Variants in DIP2A observed in about 807,000 individuals in gnomAD.
DIP2A encodes DIP2 acetate--CoA ligase A, also known as disco-interacting protein 2 homolog A.
In DIP2A, 85 loss-of-function variants were observed where a neutral mutation model predicts 177.4. The observed-to-expected ratio is 0.48, with a 90% CI of 0.40 to 0.57. DIP2A has a LOEUF of 0.57. DIP2A is among the 20% of genes least tolerant of loss of function. DIP2A has a pLI of 0.00. For synonymous variants in DIP2A, 886 were observed against 881.8 expected (o/e 1.00, Z -0.08); for missense variants, 1,791 against 2,100.2 (o/e 0.85, Z 2.88).
intron 8 of DIP2A, among the ~76,000 whole-genome samples, chr21:46,516,953 T>TTATTAATTATTGTAAA (rs2058609488): frequency 1.3e-5 from 2 of 152,226 alleles, no homozygotes; most frequent in South Asian, 4.1e-4. Context: ...TTCTGCTGCC[T>TTATTAATTATTGTAAA]TGAATACACA....
At chr21:46,476,685 A>C (rs1191044940) in intron 1 of DIP2A, among the ~76,000 whole-genome samples, 1 of 140,294 alleles carries the variant, frequency 7.1e-6, no homozygotes, top group African/African-American at 2.7e-5. Context: ...ACAGAGTCTC[A>C]CTCTATTGCC....
At chr21:46,497,776 A>G (rs924147161) in intron 4 of DIP2A, among the ~76,000 whole-genome samples, 1 of 152,224 alleles carries the variant, frequency 6.6e-6, no homozygotes, top group African/African-American at 2.4e-5. Flanking sequence ...AATAAAACCA[A>G]ACACACCAGA....
rs1256545525 is a variant in DIP2A, at chr21:46,569,789, T to C, written c.*2167T>C. The C allele has an allele frequency of 2.0e-5, 3 of 152,200 alleles. No homozygotes were observed. The highest frequency in any genetic ancestry group is 4.8e-5 in the African/African-American group (2 of 41,438). 9.4% of individuals were successfully genotyped at this position (152,200 alleles called of 1,614,324 possible). ...TCTTATTTTGCTTTTTTTCTGACTA[T>C]AAAAGCAGTTATGCTTATAGCATAA... is the stretch of plus-strand genomic sequence containing the variant. On this transcript the variant is annotated 3_prime_UTR_variant, in exon 38 of 38. Transcript: ENST00000417564.
the DIP2A span, among the ~76,000 whole-genome samples, chr21:46,580,260 A>G: frequency 1.3e-5 from 2 of 151,984 alleles, no homozygotes; most frequent in African/African-American, 4.8e-5. Context: ...AGAAACTAGT[A>G]TTGCAACCCT....
rs560298446 is a variant in DIP2A, at chr21:46,511,758, TACCCATC to T, written c.1102+145_1102+151del. 1.8e-4 allele frequency: 155 copies of T among 874,560 alleles called. 2 individuals are homozygous for T. The South Asian group carries it at 2.8e-3, about 16-fold the overall frequency. The allele number at this position is 874,560 out of a possible 1,614,324, so 54.2% of individuals were successfully genotyped here. A position where few individuals can be genotyped will look rare whatever the true frequency, so the allele number is the denominator to read the frequency against. On this transcript the variant is annotated intron_variant, in intron 8 of 37. Coordinates refer to ENST00000417564, the MANE Select transcript of DIP2A (RefSeq NM_015151.4). ...AAATAGAACATTGACCTATACCAGG[TACCCATC>T]CCACCGGAGGGGACCACTCACTGAT...
intron 9 of DIP2A, among the ~76,000 whole-genome samples, chr21:46,530,785 G>A (rs1412566649): frequency 2.0e-5 from 3 of 152,274 alleles, no homozygotes; most frequent in Admixed American, 6.5e-5. Flanking sequence ...CATAATACGA[G>A]GGGTACAGAA....
At chr21:46,562,948 G>T (rs1014750752) in intron 34 of DIP2A, among the ~76,000 whole-genome samples, 1 of 152,192 alleles carries the variant, frequency 6.6e-6, no homozygotes, top group Non-Finnish European at 1.5e-5. Context: ...CCTCCACGTC[G>T]CTCTTTTCCC....
intron 8 of DIP2A, among the ~76,000 whole-genome samples, chr21:46,515,549 T>C (rs1256622140): frequency 6.6e-6 from 1 of 152,166 alleles, no homozygotes; most frequent in African/African-American, 2.4e-5. Context: ...ATTTATTTAT[T>C]TTTTTGAGAC....
chr21:46,510,628 T>A (rs1007056200), intron 7 of DIP2A, among the ~76,000 whole-genome samples: 5 of 336 alleles, frequency 0.015, no homozygotes, highest in African/African-American at 0.048. Flanking sequence ...TCAAATAATC[T>A]TTTTTTTTTT....
At chr21:46,545,037 A>T in intron 18 of DIP2A, 100 bp from the exon 19 acceptor site, 1 of 1,231,630 alleles carries the variant, frequency 8.1e-7, no homozygotes, top group Non-Finnish European at 1.1e-6. Flanking sequence ...TGTATATAAC[A>T]TCCTGTTTCC....
chr21:46,541,715 T>TC (rs764727929), intron 17 of DIP2A, 41 bp from the exon 18 acceptor site: 487 of 1,611,672 alleles, frequency 3.0e-4, no homozygotes, highest in Non-Finnish European at 3.9e-4. Context: ...TGGAATTTCA[T>TC]CCCCCTCGTC....
chr21:46,459,098 T>C lies in DIP2A; in HGVS notation c.-34T>C. The C allele has an allele frequency of 6.9e-7, 1 of 1,450,664 alleles. No homozygotes were observed. Among genetic ancestry groups the C allele is most frequent in the Non-Finnish European group, 9.1e-7 (1 of 1,104,950 alleles). 89.9% of individuals were successfully genotyped at this position (1,450,664 alleles called of 1,614,324 possible). On this transcript the variant is annotated 5_prime_UTR_variant, in exon 1 of 38. Transcript: ENST00000417564. ...CTGCCGCCGCCAGGCCCGGTCCGGT[T>C]CCAGCCTCTGCCCGGACGCTAGCCG...
At chr21:46,472,724 A>G (rs1308533604) in intron 1 of DIP2A, among the ~76,000 whole-genome samples, 1 of 152,204 alleles carries the variant, frequency 6.6e-6, no homozygotes, top group Non-Finnish European at 1.5e-5. Flanking sequence ...CACACATCCT[A>G]GTAAGGAATT....
rs2060234751 is a variant in DIP2A at position 46,550,564 on chromosome 21, G to A, written c.2659G>A (p.Val887Met). The part of the protein sequence containing the change: ...VLQAIDSIHQ[V>M]GVYCLALVPA... ...TCAGGCCATTGATAGCATCCACCAG[G>A]TGGGCGTGTACTGTCTGGCCCTGGT... Residue 887 changes from valine (V) to methionine (M), a missense_variant, in exon 23 of 38, where the codon GTG becomes ATG. By Grantham distance (21) the Val-to-Met change is conservative. Coordinates refer to ENST00000417564, the MANE Select transcript of DIP2A (RefSeq NM_015151.4). 1.9e-6 allele frequency: 3 copies of A among 1,613,376 alleles called. No individual in the cohort carries two copies. The highest frequency in any genetic ancestry group is 2.5e-6 in the Non-Finnish European group (3 of 1,179,708).
intron 1 of DIP2A, among the ~76,000 whole-genome samples, chr21:46,461,174 T>C (rs1446154973): frequency 6.7e-6 from 1 of 148,226 alleles, no homozygotes; most frequent in Non-Finnish European, 1.5e-5. Context: ...GGTGTGCACC[T>C]GTAGTCCCAG....
chr21:46,483,826 A>G (rs576210961), intron 1 of DIP2A, among the ~76,000 whole-genome samples: 4 of 152,300 alleles, frequency 2.6e-5, no homozygotes, highest in African/African-American at 7.2e-5. Flanking sequence ...AAACTCTACC[A>G]TGTTCACCCA....
In DIP2A at chr21:46,479,844, T is replaced by A. The variant is rs574124500; in HGVS notation, c.92-4913T>A. On this transcript the variant is annotated intron_variant, in intron 1 of 37. Coordinates refer to ENST00000417564, the MANE Select transcript of DIP2A (RefSeq NM_015151.4). ...CACCATGCTTGGCTGCATAAATAAT[T>A]TAAATTGCAGTCAGATAGGCTCTAC... Among the ~76,000 whole-genome samples, 12 of 152,312 alleles carry A rather than the reference T, an allele frequency of 7.9e-5. No homozygotes were observed. The East Asian group carries it at 2.3e-3, about 29-fold the overall frequency.
Position 46,535,714 on chromosome 21 carries a change from C to T in DIP2A, c.1642+1027C>T, listed in dbSNP as rs146336521. Among the ~76,000 whole-genome samples the T allele has an allele frequency of 4.5e-4, 69 of 152,260 alleles. No homozygotes were observed. The East Asian group carries it at 9.2e-3, about 20-fold the overall frequency. On this transcript the variant is annotated intron_variant, in intron 13 of 37. Coordinates refer to ENST00000417564, the MANE Select transcript of DIP2A (RefSeq NM_015151.4). ...AAGGGCTTTATTAAAAAAGTTAGAT[C>T]TTTCAGATCAAGCCCCGTGACTTTC...
At chr21:46,579,818 CTG>C in the DIP2A span, among the ~76,000 whole-genome samples, 4 of 151,734 alleles carry the variant, frequency 2.6e-5, no homozygotes, top group Non-Finnish European at 5.9e-5. Context: ...GTCTGAAAGA[CTG>C]TTATAATTTC....
Sources: allele counts gnomAD v4.1 joint callset (sites outside exome capture counted in the v4.1 genomes callset), GRCh38; gene constraint gnomAD v4.1.1; transcripts MANE v1.5; gene names NCBI Gene and HGNC (gene_info 2026-07-23, HGNC 2026-07-21).